ADAMTS6: variants seen among roughly 807,000 people sequenced by gnomAD.
ADAMTS6 encodes the protein A disintegrin and metalloproteinase with thrombospondin motifs 6.
In ADAMTS6, 23 loss-of-function variants were observed where a neutral mutation model predicts 144.3. That is an observed-to-expected ratio of 0.16 (90% CI 0.11 to 0.23). The LOEUF is 0.23. ADAMTS6 is among the 10% of genes least tolerant of loss of function. The pLI is 1.00. For synonymous variants in ADAMTS6, 444 were observed against 457.5 expected (o/e 0.97, Z 0.38); for missense variants, 999 against 1,379.6 (o/e 0.72, Z 4.37).
At chr5:65,300,263 A>G (rs1403415823) in intron 9 of ADAMTS6, 132 bp from the exon 10 acceptor site, 4 of 737,534 alleles carry the variant, frequency 5.4e-6, no homozygotes, top group Non-Finnish European at 8.6e-6. Flanking sequence ...AGATCCTCTA[A>G]AGAAATTTAG....
chr5:65,241,487 T>C (rs1479487533), intron 15 of ADAMTS6, among the ~76,000 whole-genome samples: 1 of 152,074 alleles, frequency 6.6e-6, no homozygotes, highest in Non-Finnish European at 1.5e-5. Context: ...TGCCTCGGCC[T>C]CCCAAAGTGC....
rs1434740310 is a variant in ADAMTS6 at position 65,174,339 on chromosome 5, G to A, written c.2911-1331C>T. Among the ~76,000 whole-genome samples, 8 of 152,304 alleles carry A rather than the reference G, an allele frequency of 5.3e-5. No homozygotes were observed. The East Asian group carries it at 5.8e-4, about 11-fold the overall frequency. On this transcript the variant is annotated intron_variant, in intron 22 of 24. Transcript: ENST00000381055. ...CGAGGTGATTAACAGACAGTCGGAC[G>A]GTCGAGGCAGCCCCTTAGGTGGCTT...
At chr5:65,191,516 A>G (rs1036501904) in intron 21 of ADAMTS6, among the ~76,000 whole-genome samples, 13 of 152,126 alleles carry the variant, frequency 8.5e-5, no homozygotes, top group African/African-American at 2.4e-4. Context: ...GGGTCTAATC[A>G]TCAACTCTTT....
intron 7 of ADAMTS6, among the ~76,000 whole-genome samples, chr5:65,428,908 A>T (rs546889077): frequency 9.8e-5 from 15 of 152,350 alleles, no homozygotes; most frequent in Admixed American, 2.6e-4. Flanking sequence ...ATAGGAAGAA[A>T]TAGTCAAACA....
chr5:65,168,007 C>T (rs1346617245), intron 24 of ADAMTS6, among the ~76,000 whole-genome samples: 30 of 145,714 alleles, frequency 2.1e-4, no homozygotes, highest in African/African-American at 7.7e-4. Context: ...CGCTCCTATT[C>T]AACATAGTGT....
intron 14 of ADAMTS6, chr5:65,256,351 T>C (rs1760662991): frequency 6.6e-6 from 1 of 151,310 alleles, no homozygotes; most frequent in African/African-American, 2.4e-5. Context: ...AATTTTTATA[T>C]ATTAGATTAC....
At chr5:65,465,099 A>G (rs182758388) in intron 3 of ADAMTS6, among the ~76,000 whole-genome samples, 129 of 152,288 alleles carry the variant, frequency 8.5e-4, no homozygotes, top group African/African-American at 2.7e-3. Context: ...GACTGGTCTC[A>G]CTTTAGATTC....
At chr5:65,252,211 C>T (rs16893590) in intron 14 of ADAMTS6, among the ~76,000 whole-genome samples, 25,614 of 152,084 alleles carry the variant, frequency 0.17, 2,651 homozygotes, top group African/African-American at 0.29. Context: ...GATGTATCTC[C>T]TTTTCTCATG....
chr5:65,388,526 C>T (rs929118531), intron 7 of ADAMTS6, among the ~76,000 whole-genome samples: 1 of 152,164 alleles, frequency 6.6e-6, no homozygotes, highest in African/African-American at 2.4e-5. Flanking sequence ...TTTCTCACTG[C>T]GTGACCTGAT....
intron 7 of ADAMTS6, among the ~76,000 whole-genome samples, chr5:65,347,276 T>C (rs755416225): frequency 1.8e-4 from 27 of 151,794 alleles, no homozygotes; most frequent in African/African-American, 5.8e-4. Context: ...GCTGGAGGAA[T>C]TGAACTACCA....
At chr5:65,275,401 AAGAAAG>A (rs1762428769) in intron 11 of ADAMTS6, among the ~76,000 whole-genome samples, 1 of 147,298 alleles carries the variant, frequency 6.8e-6, no homozygotes, top group Admixed American at 6.8e-5. Flanking sequence ...GAAAGAAAGA[AAGAAAG>A]AAAGAAAGAA....
chr5:65,448,605 A>G (rs1346598932), intron 7 of ADAMTS6, among the ~76,000 whole-genome samples: 2 of 151,986 alleles, frequency 1.3e-5, no homozygotes, highest in African/African-American at 4.8e-5. Context: ...GGCGCCCGCA[A>G]CCACGCCTGG....
intron 13 of ADAMTS6, 29 bp downstream of exon 13, chr5:65,262,788 G>T: frequency 6.8e-7 from 1 of 1,477,482 alleles, no homozygotes; most frequent in Non-Finnish European, 9.0e-7. Flanking sequence ...GTGTCTTTTT[G>T]TTGGCTCCGG....
At chr5:65,305,996 G>T (rs574947788) in intron 9 of ADAMTS6, among the ~76,000 whole-genome samples, 1 of 152,308 alleles carries the variant, frequency 6.6e-6, no homozygotes, top group African/African-American at 2.4e-5. Context: ...CAACGAACAG[G>T]TTAACTTATT....
At position 65,273,407 on chromosome 5, in the gene ADAMTS6, C is replaced by A; in HGVS notation, c.1553G>T (p.Arg518Leu). ...RELWCLSKSNRCVTNSIPAAE... is the reference protein window; with the variant it reads ...RELWCLSKSNLCVTNSIPAAE... ...TGCTGGAATACTGTTGGTGACACAG[C>A]GGTTGCTTTTGCTGAGACACCAGAG... The change falls in exon 12 of 25, where the codon CGC becomes CTC. Residue 518 changes from arginine (R) to leucine (L), a missense_variant. Arg to Leu is a moderately radical substitution (Grantham distance 102, BLOSUM62 -2). This residue lies in a region of ADAMTS6 where 619 missense variants were observed against 837.0 expected (regional missense o/e 0.74). Coordinates refer to ENST00000381055, the MANE Select transcript of ADAMTS6 (RefSeq NM_197941.4). The A allele has an allele frequency of 6.2e-7, 1 of 1,613,844 alleles. No homozygotes were observed. Among genetic ancestry groups the A allele is most frequent in the South Asian group, 1.1e-5 (1 of 91,074 alleles).
chr5:65,395,253 A>G (rs1753242852), intron 7 of ADAMTS6, among the ~76,000 whole-genome samples: 1 of 152,126 alleles, frequency 6.6e-6, no homozygotes, highest in African/African-American at 2.4e-5. Context: ...CCTCTTCTGA[A>G]AATCTTGCAT....
intron 23 of ADAMTS6, among the ~76,000 whole-genome samples, chr5:65,171,990 G>GT (rs2112079493): frequency 6.6e-6 from 1 of 151,792 alleles, no homozygotes; most frequent in East Asian, 1.9e-4. Flanking sequence ...GCATGAGGAA[G>GT]TAACTGGTGC....
At chr5:65,326,996 A>C (rs1746232816) in intron 9 of ADAMTS6, among the ~76,000 whole-genome samples, 1 of 152,188 alleles carries the variant, frequency 6.6e-6, no homozygotes, top group Non-Finnish European at 1.5e-5. Flanking sequence ...TGTGATCCCA[A>C]ATACTGGAGG....
chr5:65,185,712 C>T (rs1754636924), intron 22 of ADAMTS6, among the ~76,000 whole-genome samples: 1 of 152,156 alleles, frequency 6.6e-6, no homozygotes, highest in Non-Finnish European at 1.5e-5. Flanking sequence ...ACTTCAAAGA[C>T]TGGATAGATA....
Sources: gnomAD v4.1 joint callset for allele counts (sites outside exome capture counted in the v4.1 genomes callset) on GRCh38, gnomAD v4.1.1 for gene constraint, gnomAD v4.1.1 regional missense constraint, MANE v1.5 for transcripts, NCBI Gene and HGNC (gene_info 2026-07-23, HGNC 2026-07-21) for gene names.